PRKAR1B: variants seen among roughly 807,000 people sequenced by gnomAD.
The protein encoded by PRKAR1B is cAMP-dependent protein kinase type I-beta regulatory subunit.
A neutral mutation model predicts 46.5 loss-of-function variants in PRKAR1B; 22 were observed. The observed-to-expected ratio is 0.47, with a 90% CI of 0.34 to 0.68. The LOEUF is 0.68. Ranked by LOEUF, PRKAR1B falls within the 30% of genes least tolerant of loss-of-function variation. PRKAR1B has a pLI of 0.01. For synonymous variants in PRKAR1B, 259 were observed against 217.7 expected (o/e 1.19, Z -1.67); for missense variants, 445 against 535.6 (o/e 0.83, Z 1.67).
intron 7 of PRKAR1B, among the ~76,000 whole-genome samples, chr7:588,356 A>G (rs1460991498): frequency 1.3e-5 from 2 of 152,176 alleles, no homozygotes; most frequent in Non-Finnish European, 2.9e-5. Flanking sequence ...TCCCTGCCTC[A>G]CTGGGTCATT....
intron 9 of PRKAR1B, among the ~76,000 whole-genome samples, chr7:561,198 C>A (rs574239907): frequency 6.6e-6 from 1 of 151,374 alleles, no homozygotes; most frequent in Non-Finnish European, 1.5e-5. Context: ...CACACACACC[C>A]CACACACATG....
chr7:628,129 C>A (rs138796766), intron 4 of PRKAR1B, among the ~76,000 whole-genome samples: 1 of 152,202 alleles, frequency 6.6e-6, no homozygotes, highest in Admixed American at 6.5e-5. Context: ...TCCACGGCCA[C>A]GCGGCTTCCT....
chr7:594,372 G>A (rs1000381434), intron 7 of PRKAR1B, among the ~76,000 whole-genome samples: 6 of 152,134 alleles, frequency 3.9e-5, no homozygotes, highest in South Asian at 4.1e-4. Flanking sequence ...GCTGGACCCC[G>A]GGACCCCAGG....
chr7:657,749 G>A (rs1785290749), intron 4 of PRKAR1B, among the ~76,000 whole-genome samples: 1 of 152,170 alleles, frequency 6.6e-6, no homozygotes, highest in Non-Finnish European at 1.5e-5. Flanking sequence ...TGAAGGACAA[G>A]CATGAACCAG....
chr7:700,053 A>G lies in PRKAR1B; in HGVS notation c.177+11276T>C, dbSNP rs146898645. 1.7e-3 allele frequency among the ~76,000 whole-genome samples: 255 copies of G among 152,302 alleles called. 1 individual carries two copies. The highest frequency in any genetic ancestry group is 5.8e-3 in the African/African-American group (243 of 41,562). ...AGGTAGGATCTCTCTTGCATGGAGA[A>G]TGTGAGAGAAACCCCAGAGGAGAAA... On this transcript the variant is annotated intron_variant, in intron 2 of 10. Coordinates refer to ENST00000537384, the MANE Select transcript of PRKAR1B (RefSeq NM_001164760.2).
chr7:588,476 GGTGGTGA>G (rs1780731789), intron 7 of PRKAR1B, among the ~76,000 whole-genome samples: 1 of 151,860 alleles, frequency 6.6e-6, no homozygotes, highest in African/African-American at 2.4e-5. Flanking sequence ...TGATGGTGAT[GGTGGTGA>G]TGGTGGTGAG....
intron 9 of PRKAR1B, among the ~76,000 whole-genome samples, chr7:563,481 C>T (rs896595998): frequency 6.6e-6 from 1 of 152,268 alleles, no homozygotes; most frequent in Non-Finnish European, 1.5e-5. Flanking sequence ...CCACAATGTC[C>T]CAGCCCCAGG....
intron 4 of PRKAR1B, among the ~76,000 whole-genome samples, chr7:615,978 G>T (rs150298535): frequency 5.0e-4 from 75 of 148,522 alleles, no homozygotes; most frequent in Non-Finnish European, 9.8e-4. Context: ...CAGAAAGAGA[G>T]AAAGAGGGAG....
intron 2 of PRKAR1B, among the ~76,000 whole-genome samples, chr7:709,274 G>A (rs1780493995): frequency 6.6e-6 from 1 of 151,234 alleles, no homozygotes; most frequent in Non-Finnish European, 1.5e-5. Flanking sequence ...CATCTATAAC[G>A]TGACTGCAAC....
intron 4 of PRKAR1B, among the ~76,000 whole-genome samples, chr7:675,931 G>A (rs775776985): frequency 2.0e-5 from 3 of 152,136 alleles, no homozygotes; most frequent in Non-Finnish European, 4.4e-5. Context: ...GGGCAACAGA[G>A]CAAGACTCTG....
At chr7:711,235 C>G (rs1780608402) in intron 2 of PRKAR1B, 94 bp downstream of exon 2, 1 of 1,512,832 alleles carries the variant, frequency 6.6e-7, no homozygotes, top group Admixed American at 1.8e-5. Flanking sequence ...ACCCAGCCTT[C>G]GAGGACCACG....
intron 4 of PRKAR1B, among the ~76,000 whole-genome samples, chr7:618,093 G>A (rs902475047): frequency 6.6e-5 from 10 of 150,940 alleles, no homozygotes; most frequent in African/African-American, 2.2e-4. Context: ...GGTAAGTGCC[G>A]GAGTGAGGGT....
chr7:625,634 A>T (rs1169630715), intron 4 of PRKAR1B, among the ~76,000 whole-genome samples: 3 of 152,192 alleles, frequency 2.0e-5, no homozygotes, highest in Non-Finnish European at 2.9e-5. Flanking sequence ...CCCATGGACA[A>T]GGGGCATCAC....
In PRKAR1B at chr7:560,871, G is replaced by C. The variant is rs892909265; in HGVS notation, c.892-9401C>G. 1.3e-5 allele frequency among the ~76,000 whole-genome samples: 2 copies of C among 152,146 alleles called. No homozygotes were observed. Among genetic ancestry groups the C allele is most frequent in the Non-Finnish European group, 2.9e-5 (2 of 68,038 alleles). On this transcript the variant is annotated intron_variant, in intron 9 of 10. Coordinates refer to ENST00000537384, the MANE Select transcript of PRKAR1B (RefSeq NM_001164760.2). This position sits in a 1 kb window ranked among gnomAD's most constrained non-coding sequence, Gnocchi z 4.2. The stretch of plus-strand genomic sequence containing the variant: ...ACCAAATGCCTTCTCAGGGCCACGG[G>C]GGCCACGACACGTTCCTCCCTCCAG...
intron 2 of PRKAR1B, among the ~76,000 whole-genome samples, chr7:709,912 G>A (rs766097695): frequency 6.6e-6 from 1 of 152,280 alleles, no homozygotes; most frequent in Non-Finnish European, 1.5e-5. Flanking sequence ...CAAATGCTGG[G>A]ATTACAGGTA....
intron 4 of PRKAR1B, among the ~76,000 whole-genome samples, chr7:613,683 C>T (rs528038959): frequency 2.6e-5 from 4 of 152,188 alleles, no homozygotes; most frequent in South Asian, 2.1e-4. Context: ...GAGGGCCCAC[C>T]GACCAACACG....
chr7:631,607 C>T (rs115569574), intron 4 of PRKAR1B, among the ~76,000 whole-genome samples: 2,195 of 152,292 alleles, frequency 0.014, 55 homozygotes, highest in African/African-American at 0.049. Context: ...AGGCCCACCA[C>T]GCAAACCCAG....
intron 1 of PRKAR1B, among the ~76,000 whole-genome samples, chr7:718,208 C>T (rs111738036): frequency 6.6e-6 from 1 of 151,522 alleles, no homozygotes; most frequent in African/African-American, 2.4e-5. Context: ...GGACTCCTGA[C>T]CCACAGACAG....
rs918386220 is a variant in PRKAR1B, at chr7:667,143, GTGATGGTGATGATAA to G, written c.440+10071_440+10085del. 2.4e-3 allele frequency among the ~76,000 whole-genome samples: 335 copies of G among 137,902 alleles called. 1 individual carries two copies. The highest frequency in any genetic ancestry group is 3.0e-3 in the Admixed American group (44 of 14,494). 90.5% of individuals were successfully genotyped at this position (137,902 alleles called of 152,430 possible). A position where few individuals can be genotyped will look rare whatever the true frequency, so the allele number is the denominator to read the frequency against. On this transcript the variant is annotated intron_variant, in intron 4 of 10. Transcript: ENST00000537384. The surrounding 1 kb of genome is among the most constrained non-coding windows in gnomAD (Gnocchi z 4.3). ...AATGGTGGTGATGAGGATGGTGGTG[GTGATGGTGATGATAA>G]TGATGGTGATGATGACAGTGATGAT...
Sources: allele counts gnomAD v4.1 joint callset (sites outside exome capture counted in the v4.1 genomes callset), GRCh38; gene constraint gnomAD v4.1.1; non-coding constraint Gnocchi (gnomAD v3.1); transcripts MANE v1.5; gene names NCBI Gene and HGNC (gene_info 2026-07-23, HGNC 2026-07-21).